Variants in LNX1 observed in about 807,000 individuals in gnomAD.
LNX1 encodes the protein E3 ubiquitin-protein ligase LNX.
Under a neutral mutation model 68.4 loss-of-function variants are expected in LNX1, and 54 were observed. The ratio of observed to expected loss-of-function variants is 0.79; its 90% CI spans 0.63 to 0.99. The LOEUF is 0.99. LNX1 is among the 50% of genes least tolerant of loss of function. The pLI is 0.00. For synonymous variants in LNX1, 336 were observed against 350.0 expected (o/e 0.96, Z 0.45); for missense variants, 906 against 926.4 (o/e 0.98, Z 0.29).
chr4:53,530,576 T>C (rs886993930), intron 2 of LNX1, among the ~76,000 whole-genome samples: 1 of 152,230 alleles, frequency 6.6e-6, no homozygotes, highest in Admixed American at 6.5e-5. Context: ...GAAAGCAATT[T>C]AGCATATGTA....
At chr4:53,568,664 C>A (rs1730902546) in intron 2 of LNX1, among the ~76,000 whole-genome samples, 1 of 150,874 alleles carries the variant, frequency 6.6e-6, no homozygotes, top group African/African-American at 2.5e-5. Flanking sequence ...CTGGCCAGGG[C>A]AATTAGGCAG....
chr4:53,610,022 A>T (rs2109846723), intron 2 of LNX1, among the ~76,000 whole-genome samples: 1 of 151,970 alleles, frequency 6.6e-6, no homozygotes, highest in African/African-American at 2.4e-5. Flanking sequence ...TTGAAAATGG[A>T]CATTTTCTCT....
Position 53,459,774 on chromosome 4 carries a change from GGGCCACAGTTTTT to G in LNX1, c.*1120_*1132del, listed in dbSNP as rs968705551. On this transcript the variant is annotated 3_prime_UTR_variant, in exon 11 of 11. Coordinates refer to ENST00000263925, the MANE Select transcript of LNX1 (RefSeq NM_001126328.3). The stretch of plus-strand genomic sequence containing the variant: ...TGAGAAAAGGTCAAGGGTTCCACTT[GGGCCACAGTTTTT>G]TTGTTAATCAAACACCACTCTCTTA... 1.5e-5 allele frequency: 5 copies of G among 324,342 alleles called. No individual in the cohort carries two copies. Among genetic ancestry groups the G allele is most frequent in the Non-Finnish European group, 2.9e-5 (5 of 174,766 alleles). 20.1% of individuals were successfully genotyped at this position (324,342 alleles called of 1,614,324 possible).
At position 53,460,891 on chromosome 4, in the gene LNX1, T is replaced by C; in HGVS notation, c.*16A>G. On this transcript the variant is annotated 3_prime_UTR_variant, in exon 11 of 11. Coordinates refer to ENST00000263925, the MANE Select transcript of LNX1 (RefSeq NM_001126328.3). ...TATTTGTGATTTTTCTGTTTTCCTC[T>C]GACCCATCATTGATTCTATAAAAAA... The C allele has an allele frequency of 6.2e-7, 1 of 1,604,974 alleles. No individual in the cohort carries two copies. Among genetic ancestry groups the C allele is most frequent in the Non-Finnish European group, 8.5e-7 (1 of 1,176,210 alleles).
intron 1 of LNX1, among the ~76,000 whole-genome samples, chr4:53,629,402 T>C (rs1011226363): frequency 3.3e-5 from 5 of 151,968 alleles, no homozygotes; most frequent in African/African-American, 1.2e-4. Context: ...AGACTTGCAG[T>C]GCTAAGAGCT....
rs532078779 is a variant in LNX1, at chr4:53,481,451, T to C, written c.1485+269A>G. Among the ~76,000 whole-genome samples, 18 of 152,348 alleles carry C rather than the reference T, an allele frequency of 1.2e-4. No homozygotes were observed. In the South Asian group the frequency reaches 3.7e-3, roughly 32 times the overall value. ...ACTCTTGGTAAAAACATGCCATTTA[T>C]TTGGCTTAGGCTAGAAATCAGGTCC... is the stretch of plus-strand genomic sequence containing the variant. On this transcript the variant is annotated intron_variant, in intron 7 of 10. Coordinates refer to ENST00000263925, the MANE Select transcript of LNX1 (RefSeq NM_001126328.3).
intron 2 of LNX1, among the ~76,000 whole-genome samples, chr4:53,547,635 C>T (rs1160384334): frequency 6.6e-6 from 1 of 152,140 alleles, no homozygotes; most frequent in Non-Finnish European, 1.5e-5. Flanking sequence ...GGAAGAAAGT[C>T]GGGAAGGGCT....
At chr4:53,465,573 T>TAAC (rs1435251385) in intron 9 of LNX1, among the ~76,000 whole-genome samples, 1 of 152,222 alleles carries the variant, frequency 6.6e-6, no homozygotes, top group African/African-American at 2.4e-5. Context: ...TGCACCAGCA[T>TAAC]AACATACCCC....
intron 2 of LNX1, among the ~76,000 whole-genome samples, chr4:53,606,826 C>A (rs1733254588): frequency 6.6e-6 from 1 of 152,158 alleles, no homozygotes; most frequent in Non-Finnish European, 1.5e-5. Flanking sequence ...AAATGTAATT[C>A]ATCACATAAA....
intron 2 of LNX1, among the ~76,000 whole-genome samples, chr4:53,535,709 G>A (rs759131054): frequency 9.2e-5 from 14 of 152,184 alleles, no homozygotes; most frequent in East Asian, 1.9e-4. Flanking sequence ...TATAGCCAGC[G>A]CCTTACATAT....
At chr4:53,533,888 T>C (rs568130847) in intron 2 of LNX1, among the ~76,000 whole-genome samples, 18 of 152,350 alleles carry the variant, frequency 1.2e-4, no homozygotes, top group South Asian at 4.1e-4. Context: ...ATCTGTGTTG[T>C]TGACAAACTC....
intron 9 of LNX1, among the ~76,000 whole-genome samples, chr4:53,466,386 C>T (rs572058428): frequency 5.9e-5 from 9 of 152,268 alleles, no homozygotes; most frequent in African/African-American, 1.9e-4. Flanking sequence ...CGAATAGGAA[C>T]AGCTCCAGTC....
chr4:53,477,115 G>A, intron 8 of LNX1, 134 bp from the exon 9 acceptor site: 1 of 760,134 alleles, frequency 1.3e-6, no homozygotes, highest in Non-Finnish European at 2.3e-6. Context: ...GTTGACGGGA[G>A]GCTGGGTGCT....
intron 1 of LNX1, among the ~76,000 whole-genome samples, chr4:53,629,392 A>T (rs1334579506): frequency 6.6e-6 from 1 of 151,990 alleles, no homozygotes; most frequent in Non-Finnish European, 1.5e-5. Context: ...GCAAAGAGGC[A>T]GACTTGCAGT....
intron 2 of LNX1, among the ~76,000 whole-genome samples, chr4:53,544,135 T>C (rs528742990): frequency 3.9e-4 from 59 of 152,182 alleles, no homozygotes; most frequent in Non-Finnish European, 8.1e-4. Flanking sequence ...ATAGACTATC[T>C]AGGTGTTTGA....
chr4:53,515,579 C>T (rs1320091578), intron 2 of LNX1, among the ~76,000 whole-genome samples: 1 of 151,896 alleles, frequency 6.6e-6, no homozygotes, highest in African/African-American at 2.4e-5. Context: ...ATGTATTTCC[C>T]TGGTAATTTT....
chr4:53,581,674 C>T (rs1451943708), intron 1 of LNX1, among the ~76,000 whole-genome samples: 1 of 152,122 alleles, frequency 6.6e-6, no homozygotes, highest in Non-Finnish European at 1.5e-5. Context: ...CTCACTATCG[C>T]AAGAATAGCA....
chr4:53,583,866 G>GT (rs1731985719), intron 1 of LNX1, among the ~76,000 whole-genome samples: 1 of 152,038 alleles, frequency 6.6e-6, no homozygotes, highest in Admixed American at 6.6e-5. Flanking sequence ...TAAAAACTCT[G>GT]TAACAGAAAA....
At chr4:53,524,706 G>C (rs1000677567) in intron 2 of LNX1, among the ~76,000 whole-genome samples, 2 of 152,168 alleles carry the variant, frequency 1.3e-5, no homozygotes, top group African/African-American at 4.8e-5. Flanking sequence ...TAAGGTTTAG[G>C]GGAAATAAAC....
Sources: allele counts gnomAD v4.1 joint callset (sites outside exome capture counted in the v4.1 genomes callset), GRCh38; gene constraint gnomAD v4.1.1; transcripts MANE v1.5; gene names NCBI Gene and HGNC (gene_info 2026-07-23, HGNC 2026-07-21).